ADAMTSL3: variants seen among roughly 807,000 people sequenced by gnomAD.
The protein encoded by ADAMTSL3 is ADAMTS like 3.
Under a neutral mutation model 201.7 loss-of-function variants are expected in ADAMTSL3, and 128 were observed. That is an observed-to-expected ratio of 0.63 (90% CI 0.55 to 0.73). ADAMTSL3 has a LOEUF of 0.73. ADAMTSL3 is among the 30% of genes least tolerant of loss of function. The pLI is 0.00. For missense variants in ADAMTSL3, 1,990 were observed against 2,119.6 expected, an observed-to-expected ratio of 0.94 and a Z score of 1.20; for synonymous variants, 738 against 748.4, an observed-to-expected ratio of 0.99 and a Z score of 0.23.
At chr15:83,958,881 A>C (rs1436914580) in intron 19 of ADAMTSL3, among the ~76,000 whole-genome samples, 1 of 152,202 alleles carries the variant, frequency 6.6e-6, no homozygotes, top group Non-Finnish European at 1.5e-5. Flanking sequence ...AAGAAACTCA[A>C]GAATGACTGG....
intron 4 of ADAMTSL3, among the ~76,000 whole-genome samples, chr15:83,789,250 T>C (rs978712394): frequency 1.4e-4 from 21 of 152,206 alleles, no homozygotes; most frequent in African/African-American, 5.1e-4. Flanking sequence ...TTTTATCTCT[T>C]TCTATACATA....
intron 23 of ADAMTSL3, among the ~76,000 whole-genome samples, chr15:83,997,165 T>C (rs568981966): frequency 2.0e-5 from 3 of 152,296 alleles, no homozygotes; most frequent in African/African-American, 7.2e-5. Flanking sequence ...CATTGTAACA[T>C]TGTTTGTAAA....
chr15:84,028,627 C>T (rs17158444), intron 27 of ADAMTSL3, among the ~76,000 whole-genome samples: 6,331 of 152,208 alleles, frequency 0.042, 414 homozygotes, highest in African/African-American at 0.14. Flanking sequence ...TAGTCATTTC[C>T]GGACTTAAAC....
At chr15:83,657,221 T>G (rs2061099271) in intron 2 of ADAMTSL3, among the ~76,000 whole-genome samples, 1 of 39,648 alleles carries the variant, frequency 2.5e-5, no homozygotes, top group African/African-American at 2.5e-4. Flanking sequence ...CAAGGCACAG[T>G]GTTCATTTTG....
In ADAMTSL3 at chr15:83,899,697, C is replaced by T; in HGVS notation, c.1666C>T (p.Leu556=). 2 of 1,612,114 alleles carry T rather than the reference C, an allele frequency of 1.2e-6. No individual in the cohort carries two copies. The highest frequency in any genetic ancestry group is 1.7e-6 in the Non-Finnish European group (2 of 1,178,716). The change falls in exon 15 of 30, where the codon CTA becomes TTA. Residue 556 remains leucine (L), a synonymous_variant. Transcript: ENST00000286744. ...KLPWLKQAQE[L]EETRIATEEP... Reference sequence around the variant, plus strand: ...GCCTTGGCTGAAACAAGCACAAGAACTAGAAGAGACCAGAATAGCAACAGA... The same window carrying T: ...GCCTTGGCTGAAACAAGCACAAGAATTAGAAGAGACCAGAATAGCAACAGA...
intron 6 of ADAMTSL3, among the ~76,000 whole-genome samples, chr15:83,833,786 C>G (rs2064206976): frequency 6.6e-6 from 1 of 152,116 alleles, no homozygotes; most frequent in African/African-American, 2.4e-5. Flanking sequence ...GAGAAACTGC[C>G]CAGATGTAGT....
intron 4 of ADAMTSL3, among the ~76,000 whole-genome samples, chr15:83,786,447 T>TTA (rs2063264886): frequency 6.6e-6 from 1 of 152,198 alleles, no homozygotes; most frequent in Admixed American, 6.5e-5. Context: ...TTTCTTTGTG[T>TTA]TATATACATT....
Position 83,827,755 on chromosome 15 carries a change from C to A in ADAMTSL3, c.600+7708C>A, listed in dbSNP as rs549679267. Reference sequence around the variant, plus strand: ...GGCTAGTCATTTTTATTTTTGCCAGCACCATTTATTAAATAGAGAATCCTT... The same window carrying A: ...GGCTAGTCATTTTTATTTTTGCCAGAACCATTTATTAAATAGAGAATCCTT... On this transcript the variant is annotated intron_variant, in intron 6 of 29. Transcript: ENST00000286744. Among the ~76,000 whole-genome samples, 101 of 152,202 alleles carry A rather than the reference C, an allele frequency of 6.6e-4. 1 individual carries two copies. Among genetic ancestry groups the A allele is most frequent in the African/African-American group, 2.3e-3 (95 of 41,478 alleles).
intron 2 of ADAMTSL3, among the ~76,000 whole-genome samples, chr15:83,703,526 T>TCCC (rs1685194599): frequency 6.6e-6 from 1 of 152,134 alleles, no homozygotes; most frequent in African/African-American, 2.4e-5. Flanking sequence ...CCCATACTGT[T>TCCC]CTCGTGATAG....
At chr15:83,797,885 A>G (rs1165770818) in intron 4 of ADAMTSL3, among the ~76,000 whole-genome samples, 1 of 152,214 alleles carries the variant, frequency 6.6e-6, no homozygotes, top group Non-Finnish European at 1.5e-5. Flanking sequence ...CTCATTGCAG[A>G]ACTGTGGGTG....
At chr15:83,821,633 T>C (rs1470956575) in intron 6 of ADAMTSL3, among the ~76,000 whole-genome samples, 1 of 151,794 alleles carries the variant, frequency 6.6e-6, no homozygotes, top group African/African-American at 2.4e-5. Context: ...AAGTCTCCCA[T>C]GTCTACCTCT....
At chr15:83,926,056 C>T (rs938709462) in intron 17 of ADAMTSL3, among the ~76,000 whole-genome samples, 9 of 152,166 alleles carry the variant, frequency 5.9e-5, no homozygotes, top group Non-Finnish European at 1.3e-4. Flanking sequence ...AAATAAACAG[C>T]GTCTCAAGAG....
intron 15 of ADAMTSL3, among the ~76,000 whole-genome samples, chr15:83,900,347 G>C (rs2065700211): frequency 6.6e-6 from 1 of 152,222 alleles, no homozygotes; most frequent in African/African-American, 2.4e-5. Flanking sequence ...GATCTGGATT[G>C]TAACAGTGCC....
intron 23 of ADAMTSL3, among the ~76,000 whole-genome samples, chr15:84,004,040 C>T (rs1338717177): frequency 2.0e-5 from 3 of 152,238 alleles, no homozygotes; most frequent in Non-Finnish European, 4.4e-5. Context: ...GGAAGAAAAA[C>T]ACTCCTTTAT....
rs150340249 is a variant in ADAMTSL3 at position 83,939,480 on chromosome 15, CATA to C, written c.2118-3113_2118-3111del. 5.8e-3 allele frequency among the ~76,000 whole-genome samples: 887 copies of C among 152,152 alleles called. 6 individuals carry two copies. The highest frequency in any genetic ancestry group is 0.02 in the African/African-American group (820 of 41,542). ...TCATGTAAACTTTCAAATTTATTGACATAATGTTTTTCATTACTTATTGTACTT... is the reference window on the plus strand; with the variant it reads ...TCATGTAAACTTTCAAATTTATTGACATGTTTTTCATTACTTATTGTACTT... On this transcript the variant is annotated intron_variant, in intron 17 of 29. Transcript: ENST00000286744.
At chr15:83,916,129 A>G (rs1254857717) in intron 16 of ADAMTSL3, among the ~76,000 whole-genome samples, 2 of 152,176 alleles carry the variant, frequency 1.3e-5, no homozygotes, top group African/African-American at 4.8e-5. Flanking sequence ...TGAGAAGAGA[A>G]ACTGCCTTGC....
chr15:83,738,406 C>T (rs1466393661), intron 3 of ADAMTSL3, among the ~76,000 whole-genome samples: 1 of 152,164 alleles, frequency 6.6e-6, no homozygotes, highest in East Asian at 1.9e-4. Context: ...ATGTCACTTA[C>T]ACTTTTTAAA....
intron 19 of ADAMTSL3, among the ~76,000 whole-genome samples, chr15:83,965,151 G>C (rs1358364843): frequency 6.6e-6 from 1 of 152,012 alleles, no homozygotes; most frequent in Non-Finnish European, 1.5e-5. Flanking sequence ...CATCATGACA[G>C]GATTAAATTC....
chr15:84,010,829 A>G (rs1269098173), intron 23 of ADAMTSL3, among the ~76,000 whole-genome samples: 2 of 152,296 alleles, frequency 1.3e-5, no homozygotes, highest in African/African-American at 4.8e-5. Flanking sequence ...TATACCATGA[A>G]AAGTCTGGCT....
Sources: allele counts gnomAD v4.1 joint callset (sites outside exome capture counted in the v4.1 genomes callset), GRCh38; gene constraint gnomAD v4.1.1; transcripts MANE v1.5; gene names NCBI Gene and HGNC (gene_info 2026-07-23, HGNC 2026-07-21).